Variants in TP53I13 observed in about 807,000 individuals in gnomAD.
TP53I13 encodes the protein tumor protein p53 inducible protein 13, also known as tumor protein p53-inducible protein 13.
TP53I13 carries 27 observed loss-of-function variants against 39.1 expected under a neutral mutation model. The observed-to-expected ratio is 0.69, with a 90% CI of 0.51 to 0.95. The LOEUF (loss-of-function observed/expected upper bound fraction) is 0.95, where lower values mean the gene tolerates loss of function less well. TP53I13 is among the 40% of genes least tolerant of loss of function. TP53I13 has a pLI of 0.00. For missense variants in TP53I13, 544 were observed against 520.4 expected (o/e 1.05, Z -0.44); for synonymous variants, 230 against 224.6 (o/e 1.02, Z -0.22).
downstream of TP53I13, chr17:29,577,262 G>A: frequency 6.2e-7 from 1 of 1,609,432 alleles, no homozygotes; most frequent in South Asian, 1.1e-5. Flanking sequence ...AAGGCAGAAA[G>A]GGCCAGGCTG....
the TP53I13 span, chr17:29,582,209 T>G: frequency 7.9e-7 from 1 of 1,266,004 alleles, no homozygotes; most frequent in Non-Finnish European, 1.1e-6. Flanking sequence ...ACCCACAAGC[T>G]GCACCCTGGC....
At chr17:29,571,818 CA>C in intron 4 of TP53I13, 38 bp from the exon 5 acceptor site, 1 of 1,612,762 alleles carries the variant, frequency 6.2e-7, no homozygotes, top group Admixed American at 1.7e-5. Context: ...TGTTTGTCCC[CA>C]CCTTCCTCGT....
At chr17:29,577,286 C>T (rs1436618105), downstream of TP53I13, 6 of 1,530,756 alleles carry the variant, frequency 3.9e-6, no homozygotes, top group East Asian at 2.3e-5. Flanking sequence ...TCAGGGGACC[C>T]CTTATGACTG....
the TP53I13 span, chr17:29,578,305 C>A: frequency 6.2e-7 from 1 of 1,613,670 alleles, no homozygotes; most frequent in Non-Finnish European, 8.5e-7. Flanking sequence ...TCACCTGCAT[C>A]ATTTTCTCTT....
rs372939319 is a variant in TP53I13, at chr17:29,572,067, G to T, written c.513+10G>T. On this transcript the variant is annotated intron_variant, in intron 5 of 6. Coordinates refer to ENST00000301057, the MANE Select transcript of TP53I13 (RefSeq NM_138349.4). ...AAGAGGGTGTGTGCAGGTGAGAGAC[G>T]CTGGGCCCAGGCTTGTTGGCCCTCG... 6.2e-7 allele frequency: 1 copy of T among 1,612,848 alleles called. No individual in the cohort carries two copies. Among genetic ancestry groups the T allele is most frequent in the Non-Finnish European group, 8.5e-7 (1 of 1,179,924 alleles).
Position 29,568,996 on chromosome 17 carries a change from A to C in TP53I13, c.73-22A>C, listed in dbSNP as rs551740102. On this transcript the variant is annotated intron_variant, in intron 1 of 6. Coordinates refer to ENST00000301057, the MANE Select transcript of TP53I13 (RefSeq NM_138349.4). The surrounding 1 kb of genome is among the most constrained non-coding windows in gnomAD (Gnocchi z 4.5). Reference sequence around the variant, plus strand: ...GGGCCTCGCCGCGTCCAGCGCCCCAACTCTTCGCTTTGGACCCACAGGTGA... The same window carrying C: ...GGGCCTCGCCGCGTCCAGCGCCCCACCTCTTCGCTTTGGACCCACAGGTGA... 1.2e-6 allele frequency: 2 copies of C among 1,604,888 alleles called. No individual in the cohort carries two copies. Among genetic ancestry groups the C allele is most frequent in the Non-Finnish European group, 1.7e-6 (2 of 1,176,956 alleles).
chr17:29,576,681 A>G, downstream of TP53I13: 2 of 1,613,774 alleles, frequency 1.2e-6, no homozygotes, highest in South Asian at 1.1e-5. Flanking sequence ...TGCTCTGCAG[A>G]GAGAGACCTA....
downstream of TP53I13, chr17:29,575,212 G>A: frequency 1.9e-6 from 3 of 1,553,216 alleles, no homozygotes; most frequent in South Asian, 2.4e-5. The surrounding 1 kb of genome is among the most constrained non-coding windows in gnomAD (Gnocchi z 5.5). Flanking sequence ...CAGAACCCAG[G>A]GCCCCTCATG....
At chr17:29,581,680 G>T in the TP53I13 span, 2 of 1,345,030 alleles carry the variant, frequency 1.5e-6, no homozygotes, top group Non-Finnish European at 2.1e-6. The surrounding 1 kb of genome is among the most constrained non-coding windows in gnomAD (Gnocchi z 4.8). Context: ...GTGCGTCCAG[G>T]TCCCACCTGC....
At chr17:29,575,308 G>A (rs751066009), downstream of TP53I13, 3 of 1,612,598 alleles carry the variant, frequency 1.9e-6, no homozygotes, top group Middle Eastern at 1.7e-4. This position sits in a 1 kb window ranked among gnomAD's most constrained non-coding sequence, Gnocchi z 5.5. Context: ...TGAACTCCTG[G>A]GCTGCCCGCA....
At chr17:29,576,925 C>T (rs1252688812), downstream of TP53I13, 1 of 1,587,854 alleles carries the variant, frequency 6.3e-7, no homozygotes, top group African/African-American at 1.3e-5. Context: ...GTGTCCTCGT[C>T]AGAGGCCACG....
At chr17:29,576,368 G>C, downstream of TP53I13, 1 of 1,613,438 alleles carries the variant, frequency 6.2e-7, no homozygotes, top group South Asian at 1.1e-5. Flanking sequence ...TGTGTGTTCC[G>C]CCCGTTCACT....
chr17:29,581,444 C>A, the TP53I13 span: 8 of 1,259,180 alleles, frequency 6.4e-6, no homozygotes, highest in Non-Finnish European at 9.3e-6. This position sits in a 1 kb window ranked among gnomAD's most constrained non-coding sequence, Gnocchi z 4.8. Context: ...GCTGGGAGCC[C>A]ACCTCACTGC....
upstream of TP53I13, chr17:29,567,024 T>A: frequency 3.3e-6 from 4 of 1,223,052 alleles, no homozygotes. The surrounding 1 kb of genome is among the most constrained non-coding windows in gnomAD (Gnocchi z 6.6). Context: ...CTCGGCGAGC[T>A]CCGCGCTTTG....
chr17:29,579,618 T>C, the TP53I13 span, among the ~76,000 whole-genome samples: 2 of 151,920 alleles, frequency 1.3e-5, no homozygotes, highest in East Asian at 3.9e-4. Flanking sequence ...GTGCCTGTAG[T>C]CCCAGCTACT....
chr17:29,575,313 C>A, downstream of TP53I13: 1 of 1,612,974 alleles, frequency 6.2e-7, no homozygotes, highest in South Asian at 1.1e-5. This position sits in a 1 kb window ranked among gnomAD's most constrained non-coding sequence, Gnocchi z 5.5. Context: ...TCCTGGGCTG[C>A]CCGCAACAGT....
downstream of TP53I13, chr17:29,574,700 G>A: frequency 6.2e-7 from 1 of 1,608,030 alleles, no homozygotes; most frequent in South Asian, 1.1e-5. Flanking sequence ...TGGGGAGAGA[G>A]GTCACTGCTT....
downstream of TP53I13, chr17:29,577,642 C>G (rs758299686): frequency 6.3e-7 from 1 of 1,588,776 alleles, no homozygotes; most frequent in Non-Finnish European, 8.6e-7. Flanking sequence ...CCAGCCCCCT[C>G]ACCTGATTCC....
chr17:29,575,894 C>A, downstream of TP53I13: 1 of 1,606,838 alleles, frequency 6.2e-7, no homozygotes, highest in Admixed American at 1.7e-5. The surrounding 1 kb of genome is among the most constrained non-coding windows in gnomAD (Gnocchi z 5.5). Flanking sequence ...CACCCCTTTC[C>A]GGATCTGAAA....
Sources: allele counts gnomAD v4.1 joint callset (sites outside exome capture counted in the v4.1 genomes callset), GRCh38; gene constraint gnomAD v4.1.1; non-coding constraint Gnocchi (gnomAD v3.1); transcripts MANE v1.5; gene names NCBI Gene and HGNC (gene_info 2026-07-23, HGNC 2026-07-21).